The following TTC27 variants were observed in gnomAD, a reference collection of about 807,000 sequenced individuals.
The protein encoded by TTC27 is tetratricopeptide repeat protein 27.
TTC27 carries 79 observed loss-of-function variants against 115.9 expected under a neutral mutation model. The ratio of observed to expected loss-of-function variants is 0.68; its 90% CI spans 0.57 to 0.82. The LOEUF is 0.82. Among genes scored for constraint, TTC27 ranks in the 40% least tolerant of loss-of-function variants. The pLI, the probability that TTC27 is intolerant of heterozygous loss-of-function variation, is 0.00. For missense variants in TTC27, 1,054 were observed against 993.1 expected (o/e 1.06, Z -0.82); for synonymous variants, 401 against 356.0 (o/e 1.13, Z -1.42).
chr2:32,763,344 T>C (rs145756841), intron 13 of TTC27, among the ~76,000 whole-genome samples: 1 of 152,292 alleles, frequency 6.6e-6, no homozygotes, highest in African/African-American at 2.4e-5. Context: ...AGACCTGCAA[T>C]AAAGGGAAAA....
intron 12 of TTC27, among the ~76,000 whole-genome samples, chr2:32,757,643 C>A (rs1669278960): frequency 6.6e-6 from 1 of 151,978 alleles, no homozygotes; most frequent in African/African-American, 2.4e-5. Flanking sequence ...TTTTTTTAGA[C>A]AAAATGCTAT....
intron 10 of TTC27, among the ~76,000 whole-genome samples, chr2:32,712,973 T>G (rs1457129486): frequency 3.3e-5 from 5 of 152,108 alleles, no homozygotes; most frequent in Non-Finnish European, 7.3e-5. Context: ...TATTGAGAGA[T>G]GGCACCTTTA....
At chr2:32,734,107 CAT>C (rs1668379955) in intron 11 of TTC27, among the ~76,000 whole-genome samples, 184 bp downstream of exon 11, 1 of 152,146 alleles carries the variant, frequency 6.6e-6, no homozygotes, top group Non-Finnish European at 1.5e-5. Context: ...ATATTAGACT[CAT>C]AAAACATTTT....
intron 13 of TTC27, among the ~76,000 whole-genome samples, chr2:32,761,791 G>C (rs997267272): frequency 6.6e-6 from 1 of 152,002 alleles, no homozygotes; most frequent in African/African-American, 2.4e-5. Flanking sequence ...CTTATGTATA[G>C]CTTACTTTTT....
At chr2:32,793,568 G>T (rs908851103) in intron 16 of TTC27, among the ~76,000 whole-genome samples, 4 of 152,176 alleles carry the variant, frequency 2.6e-5, no homozygotes, top group African/African-American at 9.6e-5. Context: ...TGTCACCCAG[G>T]CTGGAATACA....
rs750632582 is a variant in TTC27 at position 32,666,625 on chromosome 2, GT to G, written c.806-4del. ...GTAAGTCAGTAGATATAATTTTATTGTTTTTTCAGGTGCTTTGGGAAAAAGA... is the reference window on the plus strand; with the variant it reads ...GTAAGTCAGTAGATATAATTTTATTGTTTTTCAGGTGCTTTGGGAAAAAGA... On this transcript the variant is annotated splice_polypyrimidine_tract_variant and intron_variant, in intron 6 of 19. Coordinates refer to ENST00000317907, the MANE Select transcript of TTC27 (RefSeq NM_017735.5). 1 of 1,613,456 alleles carries G rather than the reference GT, an allele frequency of 6.2e-7. No individual in the cohort carries two copies. Among genetic ancestry groups the G allele is most frequent in the Non-Finnish European group, 8.5e-7 (1 of 1,179,698 alleles).
At position 32,666,779 on chromosome 2, in the gene TTC27, C is replaced by T. The variant is rs1665794166; in HGVS notation, c.939+11C>T. ...GAACATTTAACCAAGGCAAGTAGGACATTAAGTTATTAAATTCAATTAACA... is the reference window on the plus strand; with the variant it reads ...GAACATTTAACCAAGGCAAGTAGGATATTAAGTTATTAAATTCAATTAACA... On this transcript the variant is annotated intron_variant, in intron 7 of 19. Transcript: ENST00000317907. The T allele has an allele frequency of 6.2e-7, 1 of 1,609,642 alleles. No homozygotes were observed. The highest frequency in any genetic ancestry group is 8.5e-7 in the Non-Finnish European group (1 of 1,178,100).
In TTC27 at chr2:32,666,644, G is replaced by C; in HGVS notation, c.815G>C (p.Gly272Ala). 6.2e-7 allele frequency: 1 copy of C among 1,613,808 alleles called. No individual in the cohort carries two copies. Among genetic ancestry groups the C allele is most frequent in the South Asian group, 1.1e-5 (1 of 91,048 alleles). ...TTTATTGTTTTTTCAGGTGCTTTGGGAAAAAGAACACGGTTCCAGGAAAAT... is the reference window on the plus strand; with the variant it reads ...TTTATTGTTTTTTCAGGTGCTTTGGCAAAAAGAACACGGTTCCAGGAAAAT... ...QLQIDLTGAL[G>A]KRTRFQENYV... The change falls in exon 7 of 20, where the codon GGA becomes GCA. Residue 272 changes from glycine to alanine, a missense_variant. Gly to Ala is a moderately conservative substitution (Grantham distance 60, BLOSUM62 0). Coordinates refer to ENST00000317907, the MANE Select transcript of TTC27 (RefSeq NM_017735.5).
At chr2:32,811,731 G>A (rs1270585605) in intron 17 of TTC27, among the ~76,000 whole-genome samples, 1 of 152,232 alleles carries the variant, frequency 6.6e-6, no homozygotes, top group African/African-American at 2.4e-5. Flanking sequence ...TAGAACACCA[G>A]TTCCACTCAA....
intron 9 of TTC27, among the ~76,000 whole-genome samples, chr2:32,682,841 A>ATTTTTTTTTTT (rs1559204114): frequency 4.1e-4 from 32 of 77,498 alleles, no homozygotes; most frequent in Admixed American, 5.5e-4. Flanking sequence ...GATAATTTTT[A>ATTTTTTTTTTT]TTGTTGTTTT....
At chr2:32,674,624 G>A (rs1666130765) in intron 8 of TTC27, among the ~76,000 whole-genome samples, 1 of 151,650 alleles carries the variant, frequency 6.6e-6, no homozygotes, top group Non-Finnish European at 1.5e-5. Context: ...TAAAGCCAAA[G>A]CAATTTTCCT....
intron 2 of TTC27, among the ~76,000 whole-genome samples, chr2:32,632,062 C>T (rs146839736): frequency 6.7e-4 from 102 of 151,946 alleles, no homozygotes; most frequent in African/African-American, 2.4e-3. Context: ...CTGCCCACCT[C>T]GGCCTCCCAA....
At chr2:32,813,722 A>G (rs1053475970) in intron 18 of TTC27, among the ~76,000 whole-genome samples, 1 of 152,246 alleles carries the variant, frequency 6.6e-6, no homozygotes, top group Non-Finnish European at 1.5e-5. Flanking sequence ...GTCACAGAAC[A>G]TTCAGAAAAT....
intron 4 of TTC27, among the ~76,000 whole-genome samples, chr2:32,643,231 T>A (rs1336482329): frequency 6.6e-6 from 1 of 152,106 alleles, no homozygotes; most frequent in Admixed American, 6.6e-5. Flanking sequence ...AGTAAAAAAT[T>A]TTTCCCCTAA....
chr2:32,751,732 C>G (rs977484192), intron 12 of TTC27, among the ~76,000 whole-genome samples: 2 of 152,164 alleles, frequency 1.3e-5, no homozygotes, highest in Admixed American at 6.5e-5. Context: ...TTGGAAAATA[C>G]TAGGGAAGAG....
chr2:32,720,502 T>G (rs1374040767), intron 10 of TTC27, among the ~76,000 whole-genome samples: 1 of 152,180 alleles, frequency 6.6e-6, no homozygotes, highest in Admixed American at 6.5e-5. Flanking sequence ...TTTAGTGTAG[T>G]AACAAGCCCC....
chr2:32,689,588 C>G (rs1666748314), intron 9 of TTC27, among the ~76,000 whole-genome samples: 1 of 152,104 alleles, frequency 6.6e-6, no homozygotes, highest in South Asian at 2.1e-4. Flanking sequence ...TTTTTGGAAA[C>G]CTGCATGTAA....
intron 4 of TTC27, 144 bp downstream of exon 4, chr2:32,640,554 T>A: frequency 1.2e-6 from 1 of 845,478 alleles, no homozygotes; most frequent in Non-Finnish European, 1.8e-6. Context: ...CTGATGAAAA[T>A]AAGCAAAAAC....
chr2:32,735,185 G>A (rs1021864531), intron 11 of TTC27, among the ~76,000 whole-genome samples: 2 of 152,132 alleles, frequency 1.3e-5, no homozygotes, highest in South Asian at 4.1e-4. Flanking sequence ...ATTGTGCATT[G>A]GAGTTCAGTT....
Sources: allele counts gnomAD v4.1 joint callset (sites outside exome capture counted in the v4.1 genomes callset), GRCh38; gene constraint gnomAD v4.1.1; transcripts MANE v1.5; gene names NCBI Gene and HGNC (gene_info 2026-07-23, HGNC 2026-07-21).